Variants in SARDH observed in about 807,000 individuals in gnomAD.
The protein encoded by SARDH is sarcosine dehydrogenase.
Under a neutral mutation model 109.1 loss-of-function variants are expected in SARDH, and 95 were observed. That is an observed-to-expected ratio of 0.87 (90% CI 0.74 to 1.03). The LOEUF (loss-of-function observed/expected upper bound fraction) is 1.03, where lower values mean the gene tolerates loss of function less well. Among genes scored for constraint, SARDH ranks in the 50% least tolerant of loss-of-function variants. The pLI, the probability that SARDH is intolerant of heterozygous loss-of-function variation, is 0.00. For synonymous variants in SARDH, 572 were observed against 534.8 expected, an observed-to-expected ratio of 1.07 and a Z score of -0.96; for missense variants, 1,267 against 1,287.8, an observed-to-expected ratio of 0.98 and a Z score of 0.25.
Position 133,667,060 on chromosome 9 carries a change from C to T in SARDH, c.2496-190G>A, listed in dbSNP as rs899084632. 17 of 684,774 alleles carry T rather than the reference C, an allele frequency of 2.5e-5. No homozygotes were observed. The East Asian group carries it at 3.8e-4, about 15-fold the overall frequency. The allele number at this position is 684,774 out of a possible 1,614,324, so 42.4% of individuals were successfully genotyped here. On this transcript the variant is annotated intron_variant, in intron 19 of 20. Coordinates refer to ENST00000439388, the MANE Select transcript of SARDH (RefSeq NM_001134707.2). ...AGCACCTGGCCTGGACAGCAGGGCT[C>T]GGGCTTCGAGTGAGTAAAAGGGATG...
rs778972959 is a variant in SARDH at position 133,685,205 on chromosome 9, G to A, written c.2151C>T (p.Ala717=). 20 of 1,613,686 alleles carry A rather than the reference G, an allele frequency of 1.2e-5. No homozygotes were observed. The East Asian group carries it at 1.3e-4, about 11-fold the overall frequency. The change falls in exon 17 of 21, where the codon GCC becomes GCT. Residue 717 remains alanine, a synonymous_variant. Coordinates refer to ENST00000439388, the MANE Select transcript of SARDH (RefSeq NM_001134707.2). ...AGCTGGAACCTACCAGGTGCCCTGC[G>A]GCTCTCAGTAGCTTGTGGGTGGAGA... ...FPFSTHKLLR[A]AGHLVRAMRL...
Position 133,665,635 on chromosome 9 carries a change from G to A in SARDH, c.2631+1100C>T, listed in dbSNP as rs528096323. On this transcript the variant is annotated intron_variant, in intron 20 of 20. Coordinates refer to ENST00000439388, the MANE Select transcript of SARDH (RefSeq NM_001134707.2). Reference sequence around the variant, plus strand: ...GTGTCCCCAGCCTCCCAGCTCCACCGCCGGACTCAGCCCCATGGGCTGCCA... The same window carrying A: ...GTGTCCCCAGCCTCCCAGCTCCACCACCGGACTCAGCCCCATGGGCTGCCA... Among the ~76,000 whole-genome samples the A allele has an allele frequency of 1.4e-4, 22 of 152,308 alleles. No individual in the cohort carries two copies. The East Asian group carries it at 2.9e-3, about 20-fold the overall frequency.
chr9:133,670,514 CAAG>C lies in SARDH; in HGVS notation c.2495+67_2495+69del, dbSNP rs1830304005. The C allele has an allele frequency of 2.7e-6, 4 of 1,502,256 alleles. No homozygotes were observed. In the South Asian group the frequency reaches 5.0e-5, roughly 19 times the overall value. 93.1% of individuals were successfully genotyped at this position (1,502,256 alleles called of 1,614,324 possible). A position where few individuals can be genotyped will look rare whatever the true frequency, so the allele number is the denominator to read the frequency against. ...GTACCAGGGGCTTTGAGTGGGGGACCAAGAAGCGCCTGCCTGCCCTGGCTGTAG... is the reference window on the plus strand; with the variant it reads ...GTACCAGGGGCTTTGAGTGGGGGACCAAGCGCCTGCCTGCCCTGGCTGTAG... On this transcript the variant is annotated intron_variant, in intron 19 of 20. Coordinates refer to ENST00000439388, the MANE Select transcript of SARDH (RefSeq NM_001134707.2).
At chr9:133,717,510 C>G in intron 7 of SARDH, 55 bp from the exon 8 acceptor site, 2 of 1,604,508 alleles carry the variant, frequency 1.2e-6, no homozygotes, top group Non-Finnish European at 1.7e-6. Flanking sequence ...GCCATGCATC[C>G]CCATGCCAAA....
At position 133,666,835 on chromosome 9, in the gene SARDH, C is replaced by T. The variant is rs763472748; in HGVS notation, c.2531G>A (p.Arg844Lys). Residue 844 changes from arginine to lysine, a missense_variant, in exon 20 of 21, where the codon AGG becomes AAG. Physicochemically the swap from Arg to Lys is conservative, Grantham distance 26 (BLOSUM62 2). Transcript: ENST00000439388. The surrounding 1 kb of genome is among the most constrained non-coding windows in gnomAD (Gnocchi z 5.2). The stretch of plus-strand genomic sequence containing the variant: ...GACATGGCCCACCACTTGGCCGTTC[C>T]TCCAGATGGCCTCCAGGCCAAACAT... ...VPMFGLEAIW[R>K]NGQVVGHVRR... 1.9e-6 allele frequency: 3 copies of T among 1,611,306 alleles called. No homozygotes were observed. The East Asian group carries it at 6.7e-5, about 36-fold the overall frequency.
Position 133,712,664 on chromosome 9 carries a change from A to G in SARDH, c.1283T>C (p.Ile428Thr). ...GGCGQELAHW[I>T]IHGRPEKDMH... The stretch of plus-strand genomic sequence containing the variant: ...GTCCTTCTCCGGGCGCCCATGGATG[A>G]TCCAGTGGGCCAGCTCCTGCCCACA... Residue 428 changes from isoleucine to threonine, a missense_variant, in exon 10 of 21, where the codon ATC (isoleucine) becomes ACC (threonine). Ile to Thr is a moderately conservative substitution (Grantham distance 89). Transcript: ENST00000439388. This position sits in a 1 kb window ranked among gnomAD's most constrained non-coding sequence, Gnocchi z 4.1. 1 of 1,610,320 alleles carries G rather than the reference A, an allele frequency of 6.2e-7. No individual in the cohort carries two copies. The highest frequency in any genetic ancestry group is 1.1e-5 in the South Asian group (1 of 91,054).
chr9:133,685,306 C>A lies in SARDH; in HGVS notation c.2070-20G>T. The A allele has an allele frequency of 1.2e-6, 2 of 1,609,114 alleles. No individual in the cohort carries two copies. The highest frequency in any genetic ancestry group is 8.5e-7 in the Non-Finnish European group (1 of 1,178,372). On this transcript the variant is annotated intron_variant, in intron 16 of 20. Transcript: ENST00000439388. ...GCTCGGCTGCAGGCAAGAGCAAAGT[C>A]GCTCAGTCAGCAAGTGCTCACGGGT...
rs764534986 is a variant in SARDH, at chr9:133,731,301, G to A, written c.690+4C>T. ...GGGACCCAGAGCCAGGCGGCCATCA[G>A]TACCTGTGCTCCTCGGGCAGAAGCT... is the stretch of plus-strand genomic sequence containing the variant. On this transcript the variant is annotated splice_donor_region_variant and intron_variant, in intron 4 of 20. Coordinates refer to ENST00000439388, the MANE Select transcript of SARDH (RefSeq NM_001134707.2). 9.3e-6 allele frequency: 15 copies of A among 1,613,894 alleles called. No individual in the cohort carries two copies. The highest frequency in any genetic ancestry group is 1.3e-5 in the African/African-American group (1 of 74,922).
At chr9:133,699,290 T>C (rs1432650880) in intron 13 of SARDH, among the ~76,000 whole-genome samples, 11 of 151,986 alleles carry the variant, frequency 7.2e-5, no homozygotes, top group Admixed American at 6.6e-4. Context: ...GCAGATCACC[T>C]GAGGTCTGGA....
chr9:133,667,022 C>G (rs1012768709), intron 19 of SARDH, 152 bp from the exon 20 acceptor site: 7 of 967,726 alleles, frequency 7.2e-6, no homozygotes, highest in Non-Finnish European at 1.1e-5. Context: ...ACGCTGGTCC[C>G]CAGAGCCAGC....
chr9:133,696,666 A>G (rs1303392019), intron 13 of SARDH, among the ~76,000 whole-genome samples: 1 of 152,232 alleles, frequency 6.6e-6, no homozygotes, highest in East Asian at 1.9e-4. Context: ...AGAAATCAAT[A>G]GCAGAAGAAC....
intron 8 of SARDH, among the ~76,000 whole-genome samples, chr9:133,716,770 C>CA (rs1554756955): frequency 6.6e-6 from 1 of 152,186 alleles, no homozygotes; most frequent in East Asian, 1.9e-4. Flanking sequence ...AACCTTCCCC[C>CA]GCTGAGCTGG....
chr9:133,665,087 A>G (rs1403082731), intron 20 of SARDH, among the ~76,000 whole-genome samples: 1 of 152,078 alleles, frequency 6.6e-6, no homozygotes, highest in Non-Finnish European at 1.5e-5. Flanking sequence ...TGACTGTAGC[A>G]TTTGCCCATT....
intron 6 of SARDH, among the ~76,000 whole-genome samples, chr9:133,722,168 T>G (rs768274344): frequency 6.6e-5 from 10 of 152,024 alleles, no homozygotes; most frequent in Non-Finnish European, 1.3e-4. Flanking sequence ...GAATTTATCC[T>G]AGGAAGGCAA....
At chr9:133,739,284 G>A (rs539753044), upstream of SARDH, among the ~76,000 whole-genome samples, 42 of 152,342 alleles carry the variant, frequency 2.8e-4, 1 homozygote, top group Admixed American at 2.2e-3. Context: ...TACCGGAAGC[G>A]ATCGTATAGT....
At chr9:133,675,991 G>A (rs1830496845) in intron 17 of SARDH, among the ~76,000 whole-genome samples, 1 of 151,878 alleles carries the variant, frequency 6.6e-6, no homozygotes, top group Non-Finnish European at 1.5e-5. Context: ...TACTTGGAAG[G>A]CTGAAGGGGG....
At chr9:133,698,544 TA>T (rs1400134203) in intron 13 of SARDH, among the ~76,000 whole-genome samples, 1 of 152,330 alleles carries the variant, frequency 6.6e-6, no homozygotes, top group Non-Finnish European at 1.5e-5. Context: ...CAAAGCCACA[TA>T]ATCAAGACAG....
At chr9:133,724,344 G>A (rs1386680837) in intron 6 of SARDH, among the ~76,000 whole-genome samples, 3 of 152,228 alleles carry the variant, frequency 2.0e-5, no homozygotes, top group East Asian at 1.9e-4. Flanking sequence ...TTTTTAAATG[G>A]GCAAAGTGTC....
upstream of SARDH, among the ~76,000 whole-genome samples, chr9:133,738,611 A>G (rs1832962974): frequency 6.6e-6 from 1 of 152,206 alleles, no homozygotes; most frequent in South Asian, 2.1e-4. Flanking sequence ...GGGTTGCTGC[A>G]GTAGACCCAG....
Sources: allele counts gnomAD v4.1 joint callset (sites outside exome capture counted in the v4.1 genomes callset), GRCh38; gene constraint gnomAD v4.1.1; non-coding constraint Gnocchi (gnomAD v3.1); transcripts MANE v1.5; gene names NCBI Gene and HGNC (gene_info 2026-07-23, HGNC 2026-07-21).